Variants in FBN1 observed in about 807,000 individuals in gnomAD.
FBN1 encodes fibrillin-1.
In FBN1, 29 loss-of-function variants were observed where a neutral mutation model predicts 365.1. The observed-to-expected ratio is 0.08, with a 90% CI of 0.06 to 0.11. The LOEUF (loss-of-function observed/expected upper bound fraction) is 0.11, where lower values mean the gene tolerates loss of function less well. Among genes scored for constraint, FBN1 ranks in the 10% least tolerant of loss-of-function variants. The pLI is 1.00. For synonymous variants in FBN1, 1,210 were observed against 1,270.5 expected, an observed-to-expected ratio of 0.95 and a Z score of 1.01; for missense variants, 2,476 against 3,703.2, an observed-to-expected ratio of 0.67 and a Z score of 8.60.
chr15:48,547,688 T>C (rs1327849620), intron 6 of FBN1, among the ~76,000 whole-genome samples: 2 of 151,358 alleles, frequency 1.3e-5, no homozygotes, highest in Admixed American at 1.3e-4. Context: ...AATAGATATG[T>C]GGTATATAGG....
At position 48,452,175 on chromosome 15, in the gene FBN1, G is replaced by A. The variant is rs974392139; in HGVS notation, c.5545+387C>T. ...AAGATGGTGAAAACCTCACCTTTCTGAGAGGGATTCTGTGGAAGGAAAAAA... is the reference window on the plus strand; with the variant it reads ...AAGATGGTGAAAACCTCACCTTTCTAAGAGGGATTCTGTGGAAGGAAAAAA... On this transcript the variant is annotated intron_variant, in intron 45 of 65. Transcript: ENST00000316623. Among the ~76,000 whole-genome samples, 4 of 152,314 alleles carry A rather than the reference G, an allele frequency of 2.6e-5. No homozygotes were observed. In the East Asian group the frequency reaches 5.8e-4, roughly 22 times the overall value.
At chr15:48,521,322 T>TTGC (rs2043853291) in intron 9 of FBN1, among the ~76,000 whole-genome samples, 1 of 152,202 alleles carries the variant, frequency 6.6e-6, no homozygotes, top group African/African-American at 2.4e-5. Flanking sequence ...TAAGTTTTTG[T>TTGC]TGTTGTTGTT....
rs947599579 is a variant in FBN1, at chr15:48,591,301, G to GA, written c.538+4981dup. ...AAAACTCAAATGCCTCCTCAAAAGGGAAAAAAAAAAATCACACACTGATTT... is the reference window on the plus strand; with the variant it reads ...AAAACTCAAATGCCTCCTCAAAAGGGAAAAAAAAAAAATCACACACTGATTT... On this transcript the variant is annotated intron_variant, in intron 6 of 65. Coordinates refer to ENST00000316623, the MANE Select transcript of FBN1 (RefSeq NM_000138.5). Among the ~76,000 whole-genome samples the GA allele has an allele frequency of 3.3e-3, 479 of 146,476 alleles. 2 individuals are homozygous for GA. The highest frequency in any genetic ancestry group is 0.011 in the African/African-American group (425 of 40,188).
intron 60 of FBN1, among the ~76,000 whole-genome samples, chr15:48,423,910 A>G (rs1329691884): frequency 6.6e-6 from 1 of 152,234 alleles, no homozygotes; most frequent in Non-Finnish European, 1.5e-5. Context: ...CCATAAAGAG[A>G]ACTTTATTGA....
At chr15:48,536,384 T>C (rs561416744) in intron 7 of FBN1, among the ~76,000 whole-genome samples, 20 of 151,204 alleles carry the variant, frequency 1.3e-4, no homozygotes, top group African/African-American at 4.8e-4. Context: ...CCTCTGACAA[T>C]GGGTCACTGA....
chr15:48,482,163 T>G (rs1234815566), intron 31 of FBN1, among the ~76,000 whole-genome samples: 4 of 152,246 alleles, frequency 2.6e-5, no homozygotes, highest in African/African-American at 9.6e-5. Flanking sequence ...AAAGAAAGGA[T>G]AGATGAACTG....
Position 48,516,168 on chromosome 15 carries a change from T to C in FBN1, c.1327+15A>G. ...CAATGCAAGAAAAATAACTAGATGA[T>C]TTTTGAATTCTTACTTGGTGGCTCC... On this transcript the variant is annotated intron_variant, in intron 11 of 65. Transcript: ENST00000316623. 1 of 1,611,778 alleles carries C rather than the reference T, an allele frequency of 6.2e-7. No homozygotes were observed. Among genetic ancestry groups the C allele is most frequent in the Non-Finnish European group, 8.5e-7 (1 of 1,178,078 alleles).
chr15:48,476,875 C>A (rs546766448), intron 32 of FBN1: 1 of 151,648 alleles, frequency 6.6e-6, no homozygotes, highest in South Asian at 2.1e-4. Context: ...GTGATCCACC[C>A]GCCTTGGCCT....
intron 6 of FBN1, among the ~76,000 whole-genome samples, chr15:48,545,231 G>A (rs1302051928): frequency 6.6e-6 from 1 of 152,106 alleles, no homozygotes; most frequent in African/African-American, 2.4e-5. Flanking sequence ...ATTGTCAGGG[G>A]CAACATATTC....
chr15:48,583,434 T>A (rs1245612742), intron 6 of FBN1, among the ~76,000 whole-genome samples: 1 of 152,100 alleles, frequency 6.6e-6, no homozygotes, highest in Non-Finnish European at 1.5e-5. Context: ...AGTAAAAGCA[T>A]CCCCCACTCC....
At chr15:48,633,043 A>C (rs1890017114) in intron 2 of FBN1, among the ~76,000 whole-genome samples, 1 of 152,230 alleles carries the variant, frequency 6.6e-6, no homozygotes, top group Non-Finnish European at 1.5e-5. Flanking sequence ...ACATCTCCTC[A>C]GACATTAACC....
intron 2 of FBN1, among the ~76,000 whole-genome samples, chr15:48,625,486 C>T (rs199779032): frequency 1.3e-5 from 2 of 152,220 alleles, no homozygotes; most frequent in East Asian, 3.9e-4. Context: ...GAGTCAGAGC[C>T]GTCCCAGCCC....
rs538702170 is a variant in FBN1, at chr15:48,595,230, C to T, written c.538+1053G>A. Among the ~76,000 whole-genome samples, 7 of 152,312 alleles carry T rather than the reference C, an allele frequency of 4.6e-5. No homozygotes were observed. The South Asian group carries it at 1.0e-3, about 23-fold the overall frequency. Reference sequence around the variant, plus strand: ...AACACAGACAGAAAATAATTTCTCACAAACCACTCTCTGCTCTTTGTTTTC... The same window carrying T: ...AACACAGACAGAAAATAATTTCTCATAAACCACTCTCTGCTCTTTGTTTTC... On this transcript the variant is annotated intron_variant, in intron 6 of 65. Coordinates refer to ENST00000316623, the MANE Select transcript of FBN1 (RefSeq NM_000138.5).
intron 4 of FBN1, among the ~76,000 whole-genome samples, chr15:48,607,075 GT>G (rs2044618679): frequency 6.6e-6 from 1 of 152,004 alleles, no homozygotes; most frequent in African/African-American, 2.4e-5. Context: ...AACTTTTGTT[GT>G]TTATAAGTTA....
chr15:48,529,575 AAACCTGATCCTGACAGTT>A (rs1485410775), intron 8 of FBN1: 3 of 152,368 alleles, frequency 2.0e-5, no homozygotes, highest in East Asian at 3.9e-4. Context: ...TTGACAAGAG[AAACCTGATCCTGACAGTT>A]AACCTGATCC....
At chr15:48,543,094 T>C (rs2044070498) in intron 6 of FBN1, among the ~76,000 whole-genome samples, 1 of 152,164 alleles carries the variant, frequency 6.6e-6, no homozygotes, top group African/African-American at 2.4e-5. Context: ...ACTAATTATA[T>C]TATAGTTAAT....
At chr15:48,610,589 AT>A in intron 4 of FBN1, 138 bp downstream of exon 4, 1 of 696,000 alleles carries the variant, frequency 1.4e-6, no homozygotes, top group Non-Finnish European at 2.6e-6. Context: ...CTTTCCAAGT[AT>A]TTTGGGCAGA....
chr15:48,565,507 G>C (rs958473376), intron 6 of FBN1, among the ~76,000 whole-genome samples: 5 of 151,170 alleles, frequency 3.3e-5, no homozygotes, highest in Non-Finnish European at 5.9e-5. Context: ...AAAACAAAAG[G>C]CCTGCCAAGC....
At position 48,435,321 on chromosome 15, in the gene FBN1, G is replaced by C. The variant is rs182441107; in HGVS notation, c.6497-608C>G. Among the ~76,000 whole-genome samples, 58 of 150,416 alleles carry C rather than the reference G, an allele frequency of 3.9e-4. 1 individual carries two copies. Among genetic ancestry groups the C allele is most frequent in the Admixed American group, 1.8e-3 (27 of 15,002 alleles). ...TTCTACTTGGAGTAGATGCTCTAAG[G>C]GTTAAAAAAAAAAAGGCCCCTATCA... On this transcript the variant is annotated intron_variant, in intron 53 of 65. Coordinates refer to ENST00000316623, the MANE Select transcript of FBN1 (RefSeq NM_000138.5).
Sources: allele counts gnomAD v4.1 joint callset (sites outside exome capture counted in the v4.1 genomes callset), GRCh38; gene constraint gnomAD v4.1.1; transcripts MANE v1.5; gene names NCBI Gene and HGNC (gene_info 2026-07-23, HGNC 2026-07-21).